Variants in CAMTA1 observed in about 807,000 individuals in gnomAD.
The protein encoded by CAMTA1 is calmodulin-binding transcription activator 1.
Under a neutral mutation model 170.9 loss-of-function variants are expected in CAMTA1, and 27 were observed. That is an observed-to-expected ratio of 0.16 (90% CI 0.12 to 0.22). The LOEUF (loss-of-function observed/expected upper bound fraction) is 0.22, where lower values mean the gene tolerates loss of function less well. Ranked by LOEUF, CAMTA1 falls within the 10% of genes least tolerant of loss-of-function variation. The pLI is 1.00. For missense variants in CAMTA1, 1,619 were observed against 2,217.2 expected (o/e 0.73, Z 5.42); for synonymous variants, 833 against 891.5 (o/e 0.93, Z 1.17).
chr1:7,493,643 TGGG>T (rs34756858), intron 6 of CAMTA1, among the ~76,000 whole-genome samples: 5,450 of 147,640 alleles, frequency 0.037, 178 homozygotes, highest in East Asian at 0.19. Context: ...CCCAGGGAAC[TGGG>T]GGGGGGGGGG....
At chr1:7,356,564 G>C (rs746848535) in intron 5 of CAMTA1, among the ~76,000 whole-genome samples, 7 of 152,116 alleles carry the variant, frequency 4.6e-5, no homozygotes, top group Non-Finnish European at 8.8e-5. Flanking sequence ...GACTGCCACC[G>C]CCTCCTCCTC....
In CAMTA1 at chr1:7,747,717, C is replaced by G. The variant is rs764396173; in HGVS notation, c.4625C>G (p.Pro1542Arg). The change falls in exon 19 of 23, where the codon CCC becomes CGC. Residue 1542 changes from proline to arginine, a missense_variant. Around this residue, in one of 8 missense-constraint regions of CAMTA1, gnomAD observed 128 missense variants for 213.5 expected, o/e 0.60. Coordinates refer to ENST00000303635, the MANE Select transcript of CAMTA1 (RefSeq NM_015215.4). ...QTAFRKYKGRPLREQQEVAAA... is the reference protein window; with the variant it reads ...QTAFRKYKGRRLREQQEVAAA... ...CCTTACTTTACCCTTAAGGGCCGAC[C>G]CTTGCGGGAACAGCAAGAAGTAGCT... 3 of 1,608,614 alleles carry G rather than the reference C, an allele frequency of 1.9e-6. No homozygotes were observed. In the South Asian group the frequency reaches 3.3e-5, roughly 18 times the overall value.
chr1:7,084,356 G>A lies in CAMTA1; in HGVS notation c.235-6948G>A, dbSNP rs532544008. 1.1e-4 allele frequency among the ~76,000 whole-genome samples: 16 copies of A among 152,332 alleles called. 1 individual carries two copies. In the South Asian group the frequency reaches 3.1e-3, roughly 30 times the overall value. On this transcript the variant is annotated intron_variant, in intron 3 of 22. Coordinates refer to ENST00000303635, the MANE Select transcript of CAMTA1 (RefSeq NM_015215.4). Reference sequence around the variant, plus strand: ...TCTAAGGGCTGCTCCAGGGGAAGCTGTGGGAGGGGAGGCTGATCTCTCTGG... The same window carrying A: ...TCTAAGGGCTGCTCCAGGGGAAGCTATGGGAGGGGAGGCTGATCTCTCTGG...
intron 1 of CAMTA1, among the ~76,000 whole-genome samples, 200 bp downstream of exon 1, chr1:6,785,775 G>C (rs1639037223): frequency 7.2e-6 from 1 of 138,422 alleles, no homozygotes; most frequent in East Asian, 2.2e-4. Context: ...TCGCGGGGCC[G>C]GCGGAGCGCG....
intron 6 of CAMTA1, among the ~76,000 whole-genome samples, chr1:7,501,290 G>T (rs1282619173): frequency 2.0e-5 from 3 of 152,190 alleles, no homozygotes; most frequent in African/African-American, 7.2e-5. Context: ...AGATGAATGG[G>T]AAGTGCAGGC....
chr1:7,165,578 C>A (rs12403955), intron 4 of CAMTA1, among the ~76,000 whole-genome samples: 1 of 152,052 alleles, frequency 6.6e-6, no homozygotes, highest in Non-Finnish European at 1.5e-5. Flanking sequence ...ACTACAGGCA[C>A]GCACCACCAT....
intron 6 of CAMTA1, among the ~76,000 whole-genome samples, chr1:7,507,150 CCA>C (rs1472924619): frequency 1.3e-5 from 2 of 148,480 alleles, no homozygotes; most frequent in East Asian, 2.0e-4. Context: ...ACACTCACTC[CCA>C]CACTCACACA....
At chr1:7,099,182 C>T (rs1642434330) in intron 4 of CAMTA1, among the ~76,000 whole-genome samples, 1 of 152,108 alleles carries the variant, frequency 6.6e-6, no homozygotes, top group African/African-American at 2.4e-5. Context: ...TCCTGAGTAG[C>T]TGGGATTACA....
intron 6 of CAMTA1, among the ~76,000 whole-genome samples, chr1:7,529,520 A>G (rs181159858): frequency 1.3e-5 from 2 of 152,316 alleles, no homozygotes; most frequent in African/African-American, 4.8e-5. Flanking sequence ...AGAGAGCTTA[A>G]GTAACTTAAC....
intron 3 of CAMTA1, among the ~76,000 whole-genome samples, chr1:6,826,438 A>C (rs550886934): frequency 6.6e-6 from 1 of 152,236 alleles, no homozygotes; most frequent in Non-Finnish European, 1.5e-5. Flanking sequence ...TAGACGTGAA[A>C]ATGAAGTAGA....
chr1:6,916,261 G>A (rs1029460285), intron 3 of CAMTA1, among the ~76,000 whole-genome samples: 2 of 152,084 alleles, frequency 1.3e-5, no homozygotes, highest in African/African-American at 2.4e-5. Flanking sequence ...AGCCCAGGGC[G>A]CTTCCCGGGC....
Position 7,125,248 on chromosome 1 carries a change from G to A in CAMTA1, c.302+33877G>A, listed in dbSNP as rs561114690. On this transcript the variant is annotated intron_variant, in intron 4 of 22. Coordinates refer to ENST00000303635, the MANE Select transcript of CAMTA1 (RefSeq NM_015215.4). ...TCACCCTCCTCCACGTCAGCCTGGGGGACACTAGAAGTTCAAATGGATCTA... is the reference window on the plus strand; with the variant it reads ...TCACCCTCCTCCACGTCAGCCTGGGAGACACTAGAAGTTCAAATGGATCTA... Among the ~76,000 whole-genome samples the A allele has an allele frequency of 5.3e-5, 8 of 152,192 alleles. No individual in the cohort carries two copies. In the East Asian group the frequency reaches 1.6e-3, roughly 30 times the overall value.
intron 11 of CAMTA1, among the ~76,000 whole-genome samples, chr1:7,726,257 T>C (rs2096685433): frequency 6.6e-6 from 1 of 152,194 alleles, no homozygotes; most frequent in Non-Finnish European, 1.5e-5. Flanking sequence ...TGCCCTGCTC[T>C]TCCATGCCCT....
rs146491950 is a variant in CAMTA1 at position 7,576,367 on chromosome 1, C to T, written c.511-64033C>T. ...TTGTGTTGTCTCCCCAAAATTCATA[C>T]ATTAAAATCCTAGCCCCCACAGTGA... On this transcript the variant is annotated intron_variant, in intron 6 of 22. Coordinates refer to ENST00000303635, the MANE Select transcript of CAMTA1 (RefSeq NM_015215.4). Among the ~76,000 whole-genome samples the T allele has an allele frequency of 1.2e-3, 177 of 152,294 alleles. 1 individual carries two copies. The highest frequency in any genetic ancestry group is 4.0e-3 in the African/African-American group (166 of 41,566).
At position 7,635,566 on chromosome 1, in the gene CAMTA1, G is replaced by A. The variant is rs181789460; in HGVS notation, c.511-4834G>A. On this transcript the variant is annotated intron_variant, in intron 6 of 22. Transcript: ENST00000303635. The surrounding 1 kb of genome is among the most constrained non-coding windows in gnomAD (Gnocchi z 4.4). ...GGAGGTTGCAGTGAGCCGAGATCGC[G>A]CCACTGCACTCCAGCCTGGGGGACA... 3.5e-3 allele frequency among the ~76,000 whole-genome samples: 520 copies of A among 148,096 alleles called. 5 individuals are homozygous for A. Among genetic ancestry groups the A allele is most frequent in the African/African-American group, 0.013 (506 of 39,566 alleles).
chr1:7,242,853 T>A (rs371070541), intron 4 of CAMTA1, among the ~76,000 whole-genome samples: 3 of 151,966 alleles, frequency 2.0e-5, no homozygotes, highest in African/African-American at 7.2e-5. Context: ...TCCCAGCTAC[T>A]TGGGAGGCTG....
At chr1:7,380,734 T>TAAC (rs2087232873) in intron 5 of CAMTA1, among the ~76,000 whole-genome samples, 1 of 152,218 alleles carries the variant, frequency 6.6e-6, no homozygotes, top group Admixed American at 6.5e-5. Context: ...GGAGCCAAGA[T>TAAC]AACAAACAGT....
Position 7,311,448 on chromosome 1 carries a change from C to G in CAMTA1, c.438+61822C>G, listed in dbSNP as rs375574737. Reference sequence around the variant, plus strand: ...TCAGTTCTAAAATTTCCATTTGGTTCTTTATATTCTCTACTTATTTTCTGA... The same window carrying G: ...TCAGTTCTAAAATTTCCATTTGGTTGTTTATATTCTCTACTTATTTTCTGA... On this transcript the variant is annotated intron_variant, in intron 5 of 22. Transcript: ENST00000303635. 2.6e-4 allele frequency among the ~76,000 whole-genome samples: 40 copies of G among 152,170 alleles called. No homozygotes were observed. In the South Asian group the frequency reaches 8.1e-3, roughly 31 times the overall value.
At chr1:7,477,652 G>A (rs1046094266) in intron 6 of CAMTA1, among the ~76,000 whole-genome samples, 1 of 152,200 alleles carries the variant, frequency 6.6e-6, no homozygotes, top group African/African-American at 2.4e-5. Flanking sequence ...GCATTTTCTA[G>A]AAGATTCCCT....
Sources: allele counts gnomAD v4.1 joint callset (sites outside exome capture counted in the v4.1 genomes callset), GRCh38; gene constraint gnomAD v4.1.1; regional missense constraint gnomAD v4.1.1; non-coding constraint Gnocchi (gnomAD v3.1); transcripts MANE v1.5; gene names NCBI Gene and HGNC (gene_info 2026-07-23, HGNC 2026-07-21).